The following LCORL variants were observed in gnomAD, a reference collection of about 807,000 sequenced individuals.
The protein encoded by LCORL is ligand-dependent nuclear receptor corepressor-like protein.
LCORL carries 41 observed loss-of-function variants against 141.8 expected under a neutral mutation model. That is an observed-to-expected ratio of 0.29 (90% CI 0.23 to 0.38). The LOEUF is 0.38. LCORL is among the 10% of genes least tolerant of loss of function. The pLI is 1.00. For missense variants in LCORL, 1,759 were observed against 2,035.0 expected (o/e 0.86, Z 2.61); for synonymous variants, 618 against 694.1 (o/e 0.89, Z 1.72).
rs1051858231 is a variant in LCORL at position 17,979,129 on chromosome 4, T to C, written c.155-6244A>G. On this transcript the variant is annotated intron_variant, in intron 1 of 7. Coordinates refer to ENST00000635767, the Ensembl canonical transcript of LCORL. ...GTTCTCATTGTTCAATTCCCACCTA[T>C]GAGTGAGAACATGCGGTGTTTGGTT... Among the ~76,000 whole-genome samples the C allele has an allele frequency of 2.6e-5, 4 of 152,074 alleles. 1 individual carries two copies. Among genetic ancestry groups the C allele is most frequent in the South Asian group, 4.1e-4 (2 of 4,828 alleles).
At chr4:17,882,508 C>G in intron 6 of LCORL, 1 of 984,450 alleles carries the variant, frequency 1.0e-6, no homozygotes, top group Non-Finnish European at 1.2e-6. Flanking sequence ...TTAAAATGCA[C>G]TGCCCAGCTT....
At chr4:17,972,223 A>G (rs1716102292) in intron 2 of LCORL, among the ~76,000 whole-genome samples, 1 of 151,824 alleles carries the variant, frequency 6.6e-6, no homozygotes, top group Non-Finnish European at 1.5e-5. Flanking sequence ...TTTTCTATAA[A>G]TTCCTCATTT....
At chr4:17,998,986 ATATATATATATATATATACACACATAT>A (rs1329874363) in intron 1 of LCORL, among the ~76,000 whole-genome samples, 606 of 49,646 alleles carry the variant, frequency 0.012, 15 homozygotes, top group African/African-American at 0.041. Context: ...AAAAAAAAAA[ATATATATATATATATATACACACATAT>A]ATATATATAT....
chr4:17,875,098 G>C (rs1677887193), exon 7 of LCORL: 1 of 1,233,330 alleles, frequency 8.1e-7, no homozygotes, highest in African/African-American at 1.6e-5. Flanking sequence ...GTGCACTGTT[G>C]GTCATACTTT....
At chr4:18,000,145 A>G (rs866326646) in intron 1 of LCORL, among the ~76,000 whole-genome samples, 16 of 126,258 alleles carry the variant, frequency 1.3e-4, no homozygotes, top group Non-Finnish European at 1.9e-4. Context: ...TTTTTTTTGC[A>G]CTGAAAGAGT....
chr4:17,937,145 C>A (rs1736993446), intron 4 of LCORL, among the ~76,000 whole-genome samples: 1 of 152,146 alleles, frequency 6.6e-6, no homozygotes, highest in South Asian at 2.1e-4. Context: ...GTCCCCATTT[C>A]TTAATGCCAA....
chr4:17,966,189 T>C (rs1321194795), intron 2 of LCORL, among the ~76,000 whole-genome samples: 1 of 152,126 alleles, frequency 6.6e-6, no homozygotes, highest in Non-Finnish European at 1.5e-5. Context: ...TTATATTTTA[T>C]GCCGCTTAAA....
At chr4:17,962,876 G>T in intron 3 of LCORL, 94 bp downstream of exon 3, 1 of 550,286 alleles carries the variant, frequency 1.8e-6, no homozygotes, top group East Asian at 3.2e-5. Flanking sequence ...CTTCCACTGT[G>T]AGTCACAAAT....
intron 4 of LCORL, among the ~76,000 whole-genome samples, chr4:17,934,242 A>T (rs1736491849): frequency 6.6e-6 from 1 of 152,102 alleles, no homozygotes; most frequent in Admixed American, 6.6e-5. Context: ...ATAATGTATC[A>T]GCATTTGTTC....
At chr4:17,998,980 AAAAAAAT>A (rs1160874216) in intron 1 of LCORL, among the ~76,000 whole-genome samples, 5 of 67,730 alleles carry the variant, frequency 7.4e-5, no homozygotes, top group Admixed American at 1.5e-4. Flanking sequence ...AAAAAAAAAA[AAAAAAAT>A]ATATATATAT....
intron 1 of LCORL, among the ~76,000 whole-genome samples, chr4:18,015,688 T>C (rs1203903578): frequency 6.6e-6 from 1 of 151,636 alleles, no homozygotes; most frequent in East Asian, 1.9e-4. Flanking sequence ...TCTAAGTAAA[T>C]CTACTCTTAT....
chr4:18,004,980 T>C (rs768385628), intron 1 of LCORL, among the ~76,000 whole-genome samples: 18 of 151,768 alleles, frequency 1.2e-4, no homozygotes, highest in African/African-American at 2.2e-4. Flanking sequence ...TGGAGTGCAA[T>C]GATCTTGGCT....
chr4:17,959,070 C>A (rs894754910), intron 4 of LCORL, among the ~76,000 whole-genome samples: 3 of 152,036 alleles, frequency 2.0e-5, no homozygotes, highest in Non-Finnish European at 4.4e-5. Flanking sequence ...ATTGCTTGAG[C>A]TGTATTTAAG....
chr4:17,938,479 C>T (rs1346529036), intron 4 of LCORL, among the ~76,000 whole-genome samples: 9 of 146,206 alleles, frequency 6.2e-5, no homozygotes, highest in African/African-American at 2.0e-4. Context: ...TGCAATGGTG[C>T]GATCTCGGCT....
intron 2 of LCORL, among the ~76,000 whole-genome samples, chr4:17,965,663 A>C (rs1714726441): frequency 6.6e-6 from 1 of 152,138 alleles, no homozygotes. Flanking sequence ...AAATAGGAGA[A>C]CCCTAGTACT....
intron 7 of LCORL, among the ~76,000 whole-genome samples, chr4:17,863,148 T>C (rs1420646633): frequency 6.6e-6 from 1 of 152,154 alleles, no homozygotes; most frequent in Admixed American, 6.5e-5. Flanking sequence ...AAAACCCATC[T>C]CTACTAAAGA....
chr4:17,884,324 T>TGGA lies in LCORL; in HGVS notation c.776+1741_776+1743dup. On this transcript the variant is annotated intron_variant, in intron 6 of 7. Coordinates refer to ENST00000635767, the Ensembl canonical transcript of LCORL. The surrounding 1 kb of genome is among the most constrained non-coding windows in gnomAD (Gnocchi z 4.4). ...TACAGTAGGATTTGAAGTTTCATAT[T>TGGA]GGAGGCTTTCATTTTTTTCTTTAAA... 1 of 1,548,024 alleles carries TGGA rather than the reference T, an allele frequency of 6.5e-7. No individual in the cohort carries two copies. Among genetic ancestry groups the TGGA allele is most frequent in the Non-Finnish European group, 8.7e-7 (1 of 1,145,770 alleles).
intron 5 of LCORL, among the ~76,000 whole-genome samples, chr4:17,887,158 T>C (rs1728382069): frequency 6.6e-6 from 1 of 152,048 alleles, no homozygotes; most frequent in Admixed American, 6.6e-5. Context: ...GCCTCCTATA[T>C]AGACTTCGAC....
intron 2 of LCORL, among the ~76,000 whole-genome samples, chr4:17,965,540 C>T (rs992076500): frequency 5.3e-5 from 8 of 152,048 alleles, no homozygotes; most frequent in East Asian, 1.9e-4. Context: ...TAAAAGGTAA[C>T]GTCATAATTA....
Sources: allele counts gnomAD v4.1 joint callset (sites outside exome capture counted in the v4.1 genomes callset), GRCh38; gene constraint gnomAD v4.1.1; non-coding constraint Gnocchi (gnomAD v3.1); transcripts MANE v1.5; gene names NCBI Gene and HGNC (gene_info 2026-07-23, HGNC 2026-07-21).